Variants in CEP72 observed in about 807,000 individuals in gnomAD.
The protein encoded by CEP72 is centrosomal protein 72, also known as centrosomal protein of 72 kDa.
Under a neutral mutation model 65.7 loss-of-function variants are expected in CEP72, and 78 were observed. That is an observed-to-expected ratio of 1.19 (90% confidence interval 0.99 to 1.43). The LOEUF is 1.43. Among genes scored for constraint, CEP72 ranks in the 40% most tolerant of loss-of-function variants. The pLI is 0.00. For synonymous variants in CEP72, 358 were observed against 351.7 expected, an observed-to-expected ratio of 1.02 and a Z score of -0.20; for missense variants, 914 against 832.9, an observed-to-expected ratio of 1.10 and a Z score of -1.20.
intron 1 of CEP72, among the ~76,000 whole-genome samples, chr5:615,759 C>T (rs769880649): frequency 2.0e-5 from 3 of 152,018 alleles, no homozygotes; most frequent in Non-Finnish European, 4.4e-5. Context: ...CTTTTCCTGC[C>T]TGCTGTGACT....
downstream of CEP72, among the ~76,000 whole-genome samples, chr5:667,371 C>T (rs1739963675): frequency 6.6e-6 from 1 of 152,154 alleles, no homozygotes; most frequent in African/African-American, 2.4e-5. Flanking sequence ...GATCCCTGTG[C>T]AAATTAAAAT....
the CEP72 span, among the ~76,000 whole-genome samples, chr5:673,068 G>A: frequency 6.6e-6 from 1 of 152,120 alleles, no homozygotes; most frequent in Non-Finnish European, 1.5e-5. Flanking sequence ...AGTACCGAAG[G>A]CCACTTCCTC....
chr5:614,401 G>A (rs1481011113), intron 1 of CEP72, among the ~76,000 whole-genome samples: 1 of 149,828 alleles, frequency 6.7e-6, no homozygotes, highest in East Asian at 2.0e-4. Context: ...CCAGTTCAGC[G>A]TATTTTAAGA....
chr5:651,662 C>T (rs532581556), intron 11 of CEP72, among the ~76,000 whole-genome samples: 15 of 152,060 alleles, frequency 9.9e-5, no homozygotes, highest in East Asian at 5.8e-4. Context: ...AATTGTGTGC[C>T]GGGACGTGGT....
At position 623,311 on chromosome 5, in the gene CEP72, C is replaced by T. The variant is rs569904519; in HGVS notation, c.404-1160C>T. Among the ~76,000 whole-genome samples the T allele has an allele frequency of 6.6e-6, 1 of 152,220 alleles. No homozygotes were observed. Among genetic ancestry groups the T allele is most frequent in the Non-Finnish European group, 1.5e-5 (1 of 68,036 alleles). ...CGGGAACCACGGAGGTGCGGGGCCC[C>T]GGGACGGCCTGCTGCCCTGCGTGGT... On this transcript the variant is annotated intron_variant, in intron 3 of 11. Coordinates refer to ENST00000264935, the MANE Select transcript of CEP72 (RefSeq NM_018140.4). This position sits in a 1 kb window ranked among gnomAD's most constrained non-coding sequence, Gnocchi z 5.3.
chr5:664,804 T>C (rs1244372358), intron 2 of CEP72: 6 of 359,776 alleles, frequency 1.7e-5, no homozygotes, highest in African/African-American at 1.0e-4. Context: ...CCCTTTGACC[T>C]GCAAACCACG....
Position 637,553 on chromosome 5 carries a change from A to G in CEP72, c.941A>G (p.Lys314Arg), listed in dbSNP as rs140416835. The G allele has an allele frequency of 3.1e-3, 5,011 of 1,613,996 alleles. 153 individuals carry two copies. The Admixed American group carries it at 0.063, about 20-fold the overall frequency. The change falls in exon 7 of 12, where the codon AAG becomes AGG. Residue 314 changes from lysine (K) to arginine (R), a missense_variant. Coordinates refer to ENST00000264935, the MANE Select transcript of CEP72 (RefSeq NM_018140.4). ...ACCGAGGACTCGGCCTCTTCTCAGAAGTTGGATTTGTCAGGAGAAATGGTG... is the reference window on the plus strand; with the variant it reads ...ACCGAGGACTCGGCCTCTTCTCAGAGGTTGGATTTGTCAGGAGAAATGGTG... ...MDTEDSASSQ[K>R]LDLSGEMVPG...
chr5:674,840 G>A, the CEP72 span, among the ~76,000 whole-genome samples: 3 of 151,652 alleles, frequency 2.0e-5, no homozygotes, highest in Non-Finnish European at 2.9e-5. Context: ...CCCTGTGGAT[G>A]ATGTGGGAGC....
rs1352032098 is a variant in CEP72, at chr5:612,402, C to T, written c.41C>T (p.Ala14Val). ...CCTCGGCTGGTGCTGAGCGAGGAGG[C>T]GGTTCGGGCGAAGAGCGGCTTAGGG... Reference protein sequence around the residue: ...AGPRLVLSEEAVRAKSGLGPH... With the variant: ...AGPRLVLSEEVVRAKSGLGPH... The change falls in exon 1 of 12, where the codon GCG becomes GTG. Residue 14 changes from alanine to valine, a missense_variant. Transcript: ENST00000264935. The T allele has an allele frequency of 2.7e-6, 4 of 1,487,222 alleles. No homozygotes were observed. The highest frequency in any genetic ancestry group is 1.3e-5 in the South Asian group (1 of 79,356). 92.1% of individuals were successfully genotyped at this position (1,487,222 alleles called of 1,614,324 possible).
At chr5:672,856 T>C in the CEP72 span, among the ~76,000 whole-genome samples, 20 of 152,346 alleles carry the variant, frequency 1.3e-4, no homozygotes, top group African/African-American at 4.6e-4. Flanking sequence ...AAACCTGGCG[T>C]AAGGCTGCAA....
At chr5:665,946 G>A (rs1472668823) in exon 4 of CEP72, 12 of 206,374 alleles carry the variant, frequency 5.8e-5, no homozygotes, top group Middle Eastern at 1.4e-3. Context: ...TCCAGGCCCC[G>A]CCTTCCATCC....
At chr5:652,613 G>C (rs57605353) in intron 11 of CEP72, among the ~76,000 whole-genome samples, 3 of 152,148 alleles carry the variant, frequency 2.0e-5, no homozygotes, top group Non-Finnish European at 2.9e-5. Flanking sequence ...TTCAGTCCCC[G>C]TATATTTTCT....
chr5:616,795 GGT>G lies in CEP72; in HGVS notation c.83-2176_83-2175del, dbSNP rs762810860. Among the ~76,000 whole-genome samples, 29 of 139,034 alleles carry G rather than the reference GGT, an allele frequency of 2.1e-4. No homozygotes were observed. In the South Asian group the frequency reaches 3.8e-3, roughly 18 times the overall value. 91.2% of individuals were successfully genotyped at this position (139,034 alleles called of 152,430 possible). Reference sequence around the variant, plus strand: ...GCTGCGCAAGGCCAGGTGGACGAGGGGTGTGTGTGTGTGTGTGTGTATGTGTG... The same window carrying G: ...GCTGCGCAAGGCCAGGTGGACGAGGGGTGTGTGTGTGTGTGTGTATGTGTG... On this transcript the variant is annotated intron_variant, in intron 1 of 11. Transcript: ENST00000264935.
downstream of CEP72, among the ~76,000 whole-genome samples, chr5:658,645 ATTTTTTTTTTTTTTTTTTTTTTTTTTT>A (rs70955278): frequency 8.9e-5 from 5 of 55,946 alleles, no homozygotes; most frequent in South Asian, 7.7e-4. Flanking sequence ...AGCAAAGCTG[ATTTTTTTTTTTTTTTTTTTTTTTTTTT>A]TTTTTTTTTT....
chr5:634,313 T>G (rs1737440104), intron 5 of CEP72, among the ~76,000 whole-genome samples: 1 of 152,156 alleles, frequency 6.6e-6, no homozygotes, highest in African/African-American at 2.4e-5. Flanking sequence ...AACCCTGAGC[T>G]CAGGCCGCCA....
Position 635,584 on chromosome 5 carries a change from G to C in CEP72, c.904G>C (p.Asp302His). The change falls in exon 6 of 12, where the codon GAC (aspartate) becomes CAC (histidine). Residue 302 changes from aspartate (D) to histidine (H), a missense_variant and splice_region_variant. By Grantham distance (81) the Asp-to-His change is moderately conservative. Coordinates refer to ENST00000264935, the MANE Select transcript of CEP72 (RefSeq NM_018140.4). ...RPHTYFTPHP[D>H]SMDTEDSASS... ...ACACACGTACTTCACCCCACACCCA[G>C]GTACTTACGCGTGTCTTAGTCTGTT... The C allele has an allele frequency of 6.2e-7, 1 of 1,608,018 alleles. No homozygotes were observed. Among genetic ancestry groups the C allele is most frequent in the Non-Finnish European group, 8.5e-7 (1 of 1,175,078 alleles).
intron 9 of CEP72, chr5:641,368 C>T (rs1181648243): frequency 2.0e-6 from 2 of 985,354 alleles, no homozygotes; most frequent in Non-Finnish European, 2.4e-6. Flanking sequence ...AGGATGTGCA[C>T]ATCCAGAGGG....
chr5:619,317 T>A (rs1472778759), intron 2 of CEP72, among the ~76,000 whole-genome samples, 200 bp downstream of exon 2: 1 of 152,198 alleles, frequency 6.6e-6, no homozygotes, highest in Non-Finnish European at 1.5e-5. Context: ...CTGATGACGA[T>A]GATTATATCT....
chr5:665,315 G>A, exon 3 of CEP72: 1 of 1,604,978 alleles, frequency 6.2e-7, no homozygotes, highest in Non-Finnish European at 8.5e-7. Flanking sequence ...GGAGCAGGAG[G>A]AAGGGGGCAG....
Sources: allele counts gnomAD v4.1 joint callset (sites outside exome capture counted in the v4.1 genomes callset), GRCh38; gene constraint gnomAD v4.1.1; non-coding constraint Gnocchi (gnomAD v3.1); transcripts MANE v1.5; gene names NCBI Gene and HGNC (gene_info 2026-07-23, HGNC 2026-07-21).